Variants in PLIN3 observed in about 807,000 individuals in gnomAD.
PLIN3 encodes perilipin 3.
Under a neutral mutation model 35.9 loss-of-function variants are expected in PLIN3, and 30 were observed. The observed-to-expected ratio is 0.84, with a 90% confidence interval of 0.62 to 1.13. The LOEUF (loss-of-function observed/expected upper bound fraction) is 1.13. Among genes scored for constraint, PLIN3 ranks in the 50% most tolerant of loss-of-function variants. The probability of loss-of-function intolerance (pLI) is 0.00; values close to 1 mark genes in which losing one functional copy is unlikely to be tolerated. For synonymous variants in PLIN3, 261 were observed against 262.5 expected, an observed-to-expected ratio of 0.99 and a Z score of 0.06; for missense variants, 603 against 596.9, an observed-to-expected ratio of 1.01 and a Z score of -0.11.
At position 4,859,905 on chromosome 19, in the gene PLIN3, T is replaced by C. The variant is rs368003339; in HGVS notation, c.186A>G (p.Ala62=). The change falls in exon 3 of 8, where the codon GCA becomes GCG. Residue 62 remains alanine, a synonymous_variant. Transcript: ENST00000221957. ...TGAGGGTCCTCACTCCCTTCTCTGC[T>C]GCGTCGCAGACAGTCTTGATGTGCG... ...SYPHIKTVCD[A]AEKGVRTLTA... is the part of the protein sequence containing the mutation. The C allele has an allele frequency of 6.8e-6, 11 of 1,613,882 alleles. No homozygotes were observed. The African/African-American group carries it at 1.2e-4, about 18-fold the overall frequency.
At chr19:4,857,937 G>A (rs1024139372) in intron 4 of PLIN3, among the ~76,000 whole-genome samples, 1 of 149,218 alleles carries the variant, frequency 6.7e-6, no homozygotes, top group Admixed American at 6.8e-5. Context: ...AACTGCACCA[G>A]TGCACTCCAG....
intron 7 of PLIN3, among the ~76,000 whole-genome samples, chr19:4,841,979 T>C (rs963976680): frequency 3.4e-5 from 5 of 148,396 alleles, no homozygotes; most frequent in African/African-American, 1.2e-4. Context: ...TGGGACAGCC[T>C]GGAAGAACTT....
chr19:4,859,417 C>G (rs939487499), intron 4 of PLIN3, among the ~76,000 whole-genome samples, 173 bp downstream of exon 4: 3 of 152,082 alleles, frequency 2.0e-5, no homozygotes, highest in Admixed American at 1.3e-4. Flanking sequence ...GCTGGCTTTG[C>G]AATTATTCCT....
chr19:4,846,828 C>A (rs1482241431), intron 6 of PLIN3, among the ~76,000 whole-genome samples: 4 of 152,092 alleles, frequency 2.6e-5, no homozygotes, highest in Admixed American at 1.3e-4. Context: ...TCTTGGACTT[C>A]CAGCCTCCAG....
At chr19:4,843,556 G>C (rs2029982420) in intron 7 of PLIN3, among the ~76,000 whole-genome samples, 1 of 127,708 alleles carries the variant, frequency 7.8e-6, no homozygotes, top group Admixed American at 7.9e-5. Context: ...CTGGGGTCGG[G>C]TGTGGTGGCT....
chr19:4,855,249 GAAAAAAAA>G (rs377681525), intron 4 of PLIN3, among the ~76,000 whole-genome samples: 1 of 36,412 alleles, frequency 2.7e-5, no homozygotes, highest in African/African-American at 9.6e-5. Context: ...GACTCCATCT[GAAAAAAAA>G]AAAAAAAAAA....
Position 4,861,358 on chromosome 19 carries a change from G to A in PLIN3, c.37C>T (p.Gln13Ter). ...ADGAEADGST[Q>*]VTVEEPVQQP... ...TGTACCGGTTCTTCCACTGTCACCTGGGTGCTGCCATCAGCCTCTGCCCCG... is the reference window on the plus strand; with the variant it reads ...TGTACCGGTTCTTCCACTGTCACCTAGGTGCTGCCATCAGCCTCTGCCCCG... The change falls in exon 2 of 8, where the codon CAG (glutamine) becomes TAG (stop). Residue 13 changes from glutamine to a stop codon, truncating the protein, a stop_gained. Coordinates refer to ENST00000221957, the MANE Select transcript of PLIN3 (RefSeq NM_005817.5). LOFTEE classifies it high-confidence loss of function. 1 of 1,612,918 alleles carries A rather than the reference G, an allele frequency of 6.2e-7. No homozygotes were observed. The highest frequency in any genetic ancestry group is 1.1e-5 in the South Asian group (1 of 90,890).
At chr19:4,849,856 T>C (rs2030228572) in intron 5 of PLIN3, among the ~76,000 whole-genome samples, 2 of 152,038 alleles carry the variant, frequency 1.3e-5, no homozygotes, top group African/African-American at 4.8e-5. Flanking sequence ...TTTCACCATG[T>C]TGGCCAGGCT....
chr19:4,842,014 C>T (rs145476822), intron 7 of PLIN3, among the ~76,000 whole-genome samples: 42 of 151,570 alleles, frequency 2.8e-4, no homozygotes, highest in African/African-American at 3.6e-4. Context: ...GTAAACCATC[C>T]GGGGAGAACA....
intron 4 of PLIN3, 132 bp from the exon 5 acceptor site, chr19:4,852,433 C>T: frequency 1.8e-6 from 2 of 1,106,178 alleles, no homozygotes; most frequent in Non-Finnish European, 1.3e-6. Context: ...CTCCGTCTTC[C>T]CTCTGTATGT....
chr19:4,849,361 G>C (rs1260104856), intron 5 of PLIN3, among the ~76,000 whole-genome samples: 1 of 152,052 alleles, frequency 6.6e-6, no homozygotes, highest in African/African-American at 2.4e-5. Context: ...AGGCTGGAGT[G>C]CAGCGGTGCA....
intron 5 of PLIN3, among the ~76,000 whole-genome samples, chr19:4,851,672 A>G (rs1023812557): frequency 1.3e-5 from 2 of 151,776 alleles, no homozygotes; most frequent in Non-Finnish European, 2.9e-5. Flanking sequence ...GGGAGAGGAC[A>G]GGGGAGGTTG....
Position 4,839,420 on chromosome 19 carries a change from C to T in PLIN3, c.1077G>A (p.Val359=), listed in dbSNP as rs779337515. The change falls in exon 8 of 8, where the codon GTG becomes GTA. Residue 359 remains valine, a synonymous_variant. Coordinates refer to ENST00000221957, the MANE Select transcript of PLIN3 (RefSeq NM_005817.5). ...QGLPTNVKDQ[V]QQARRQVEDL... ...CCTCCACCTGGCGGCGGGCCTGCTG[C>T]ACCTGGTCCTTCACATTGGTGGGGA... 1 of 1,606,838 alleles carries T rather than the reference C, an allele frequency of 6.2e-7. No homozygotes were observed. Among genetic ancestry groups the T allele is most frequent in the African/African-American group, 1.3e-5 (1 of 74,828 alleles).
At chr19:4,846,261 G>A (rs7257059) in intron 6 of PLIN3, among the ~76,000 whole-genome samples, 2 of 150,772 alleles carry the variant, frequency 1.3e-5, no homozygotes, top group Non-Finnish European at 2.9e-5. Context: ...CTAAGAGGCT[G>A]CAGTGAGCCA....
intron 7 of PLIN3, among the ~76,000 whole-genome samples, chr19:4,844,205 T>C (rs1337988859): frequency 6.6e-6 from 1 of 152,066 alleles, no homozygotes; most frequent in Non-Finnish European, 1.5e-5. Context: ...AGCTCACGCT[T>C]GTAATCCCAA....
rs1022904267 is a variant in PLIN3, at chr19:4,839,650, G to A, written c.961-114C>T. On this transcript the variant is annotated intron_variant, in intron 7 of 7. Coordinates refer to ENST00000221957, the MANE Select transcript of PLIN3 (RefSeq NM_005817.5). ...TTCTACCACTGACCTTGGGGCAAACGCTTTCCATAGGCGAAACTTTTTTTT... is the reference window on the plus strand; with the variant it reads ...TTCTACCACTGACCTTGGGGCAAACACTTTCCATAGGCGAAACTTTTTTTT... 10 of 740,860 alleles carry A rather than the reference G, an allele frequency of 1.3e-5. No individual in the cohort carries two copies. The East Asian group carries it at 2.1e-4, about 16-fold the overall frequency. 45.9% of individuals were successfully genotyped at this position (740,860 alleles called of 1,614,324 possible). A position where few individuals can be genotyped will look rare whatever the true frequency, so the allele number is the denominator to read the frequency against.
At chr19:4,850,867 G>C (rs895249195) in intron 5 of PLIN3, among the ~76,000 whole-genome samples, 5 of 152,094 alleles carry the variant, frequency 3.3e-5, no homozygotes, top group Admixed American at 3.3e-4. Flanking sequence ...ACCGCGCCCT[G>C]CCTATATCCT....
intron 7 of PLIN3, among the ~76,000 whole-genome samples, chr19:4,843,560 G>A (rs1303401633): frequency 7.1e-6 from 1 of 141,348 alleles, no homozygotes. Flanking sequence ...GGTCGGGTGT[G>A]GTGGCTCATG....
At position 4,852,092 on chromosome 19, in the gene PLIN3, C is replaced by T. The variant is rs904073998; in HGVS notation, c.558G>A (p.Leu186=). 34 of 1,613,894 alleles carry T rather than the reference C, an allele frequency of 2.1e-5. No individual in the cohort carries two copies. Among genetic ancestry groups the T allele is most frequent in the Non-Finnish European group, 2.8e-5 (33 of 1,179,940 alleles). ...TCCCCAGCACCGTGTCGACCCCACT[C>T]AACACCATCTGGCCCAAGCGGGAGC... ...VMGSRLGQMV[L]SGVDTVLGKS... Residue 186 remains leucine (L), a synonymous_variant, in exon 5 of 8, where the codon TTG becomes TTA. Coordinates refer to ENST00000221957, the MANE Select transcript of PLIN3 (RefSeq NM_005817.5).
Sources: gnomAD v4.1 joint callset for allele counts (sites outside exome capture counted in the v4.1 genomes callset) on GRCh38, gnomAD v4.1.1 for gene constraint, MANE v1.5 for transcripts, NCBI Gene and HGNC (gene_info 2026-07-23, HGNC 2026-07-21) for gene names.